Variants in GABARAPL1 observed in about 807,000 individuals in gnomAD.
GABARAPL1 encodes the protein GABA type A receptor associated protein like 1.
In GABARAPL1, 4 loss-of-function variants were observed where a neutral mutation model predicts 14.5. The observed-to-expected ratio is 0.28, with a 90% CI of 0.14 to 0.63. The LOEUF (loss-of-function observed/expected upper bound fraction) is 0.63. GABARAPL1 is among the 30% of genes least tolerant of loss of function. The probability of loss-of-function intolerance (pLI) is 0.84; values close to 1 mark genes in which losing one functional copy is unlikely to be tolerated. For missense variants in GABARAPL1, 82 were observed against 139.2 expected, an observed-to-expected ratio of 0.59 and a Z score of 2.07; for synonymous variants, 47 against 50.6, an observed-to-expected ratio of 0.93 and a Z score of 0.30.
Position 10,213,000 on chromosome 12 carries a change from T to G in GABARAPL1, c.-130T>G. On this transcript the variant is annotated 5_prime_UTR_variant, in exon 1 of 4. Coordinates refer to ENST00000266458, the MANE Select transcript of GABARAPL1 (RefSeq NM_031412.4). ...CCCCCCTGCACACTCGGCCCAGCGC[T>G]GTTGCCCCCGGAGCGGACGTTTCTG... 3.6e-5 allele frequency: 20 copies of G among 563,114 alleles called. No homozygotes were observed. Among genetic ancestry groups the G allele is most frequent in the Non-Finnish European group, 5.1e-5 (15 of 295,724 alleles). The allele number at this position is 563,114 out of a possible 1,614,324, so 34.9% of individuals were successfully genotyped here.
rs1373876118 is a variant in GABARAPL1, at chr12:10,222,769, G to T, written c.*917G>T. 1 of 152,270 alleles carries T rather than the reference G, an allele frequency of 6.6e-6. No individual in the cohort carries two copies. The highest frequency in any genetic ancestry group is 2.4e-5 in the African/African-American group (1 of 41,438). The allele number at this position is 152,270 out of a possible 1,614,324, so 9.4% of individuals were successfully genotyped here. ...GTAATTATATACTACTCTCATTCAG[G>T]ATTCTTGCTCCCATGCTGCTGTCCC... On this transcript the variant is annotated 3_prime_UTR_variant, in exon 4 of 4. Coordinates refer to ENST00000266458, the MANE Select transcript of GABARAPL1 (RefSeq NM_031412.4).
At chr12:10,220,258 C>T (rs190757581) in intron 2 of GABARAPL1, among the ~76,000 whole-genome samples, 182 bp from the exon 3 acceptor site, 55 of 152,190 alleles carry the variant, frequency 3.6e-4, no homozygotes, top group African/African-American at 1.2e-3. Context: ...TGTGGGCTTC[C>T]GAGTTTCCCT....
intron 1 of GABARAPL1, chr12:10,213,744 AT>A (rs1204308089): frequency 2.5e-6 from 1 of 402,008 alleles, no homozygotes; most frequent in Non-Finnish European, 5.0e-6. Flanking sequence ...ATTTTCTTGC[AT>A]TACAGGGGGT....
At chr12:10,216,985 T>C (rs1949094275) in intron 1 of GABARAPL1, among the ~76,000 whole-genome samples, 1 of 152,204 alleles carries the variant, frequency 6.6e-6, no homozygotes, top group African/African-American at 2.4e-5. Context: ...CAACTTGAAC[T>C]ATAGAAGTAT....
intron 2 of GABARAPL1, among the ~76,000 whole-genome samples, chr12:10,218,760 G>A (rs1949104158): frequency 6.6e-6 from 1 of 151,436 alleles, no homozygotes; most frequent in Non-Finnish European, 1.5e-5. Flanking sequence ...CCAGGCTGGA[G>A]TGCAGTGGCA....
At chr12:10,221,438 C>A (rs1013911658) in intron 3 of GABARAPL1, 14 of 938,218 alleles carry the variant, frequency 1.5e-5, no homozygotes, top group Non-Finnish European at 1.8e-5. Flanking sequence ...AATCCTGAAT[C>A]TTTTTTTGCA....
chr12:10,218,876 T>G (rs1195835801), intron 2 of GABARAPL1, among the ~76,000 whole-genome samples: 1 of 151,234 alleles, frequency 6.6e-6, no homozygotes, highest in Admixed American at 6.6e-5. Context: ...ACCCGGCTAC[T>G]TTTTTTGGTA....
Position 10,213,010 on chromosome 12 carries a change from G to C in GABARAPL1, c.-120G>C. ...CACTCGGCCCAGCGCTGTTGCCCCC[G>C]GAGCGGACGTTTCTGCAGCTATTCT... On this transcript the variant is annotated 5_prime_UTR_variant, in exon 1 of 4. Transcript: ENST00000266458. 1.3e-5 allele frequency: 7 copies of C among 547,498 alleles called. No individual in the cohort carries two copies. The highest frequency in any genetic ancestry group is 2.1e-5 in the Non-Finnish European group (6 of 284,902). The allele number at this position is 547,498 out of a possible 1,614,324, so 33.9% of individuals were successfully genotyped here. A position where few individuals can be genotyped will look rare whatever the true frequency, so the allele number is the denominator to read the frequency against.
chr12:10,212,990 G>C lies in GABARAPL1; in HGVS notation c.-140G>C. On this transcript the variant is annotated 5_prime_UTR_variant, in exon 1 of 4. Transcript: ENST00000266458. The stretch of plus-strand genomic sequence containing the variant: ...CGCCCCGAACCCCCCCTGCACACTC[G>C]GCCCAGCGCTGTTGCCCCCGGAGCG... The C allele has an allele frequency of 8.9e-6, 5 of 560,938 alleles. No homozygotes were observed. The highest frequency in any genetic ancestry group is 4.0e-4 in the Middle Eastern group (1 of 2,510). 34.7% of individuals were successfully genotyped at this position (560,938 alleles called of 1,614,324 possible).
chr12:10,222,685 A>C lies in GABARAPL1; in HGVS notation c.*833A>C, dbSNP rs1318734519. 6.6e-6 allele frequency: 1 copy of C among 152,120 alleles called. No homozygotes were observed. The highest frequency in any genetic ancestry group is 2.4e-5 in the African/African-American group (1 of 41,404). 9.4% of individuals were successfully genotyped at this position (152,120 alleles called of 1,614,324 possible). A position where few individuals can be genotyped will look rare whatever the true frequency, so the allele number is the denominator to read the frequency against. The stretch of plus-strand genomic sequence containing the variant: ...AACCACTCTTAGCATCTCCTCTAGT[A>C]TTTTCCATGTATCAGGACAGAGGTG... On this transcript the variant is annotated 3_prime_UTR_variant, in exon 4 of 4. Transcript: ENST00000266458.
intron 1 of GABARAPL1, among the ~76,000 whole-genome samples, chr12:10,217,092 TA>T (rs961503208): frequency 6.6e-6 from 1 of 152,160 alleles, no homozygotes; most frequent in Admixed American, 6.5e-5. Context: ...TTTTAGTGTA[TA>T]AAAAAATCTT....
intron 1 of GABARAPL1, 44 bp from the exon 2 acceptor site, chr12:10,218,019 T>A (rs1248758941): frequency 8.7e-7 from 1 of 1,155,678 alleles, no homozygotes; most frequent in East Asian, 2.3e-5. Context: ...AATACTAGAT[T>A]GCCTTCTGTA....
At chr12:10,218,789 A>G (rs1949104315) in intron 2 of GABARAPL1, among the ~76,000 whole-genome samples, 1 of 150,798 alleles carries the variant, frequency 6.6e-6, no homozygotes, top group Admixed American at 6.6e-5. Flanking sequence ...GCTCACTGCA[A>G]CCTCCGTCTC....
Position 10,213,682 on chromosome 12 carries a change from T to C in GABARAPL1, c.90+463T>C, listed in dbSNP as rs1054521311. 72 of 349,518 alleles carry C rather than the reference T, an allele frequency of 2.1e-4. No individual in the cohort carries two copies. The Admixed American group carries it at 2.5e-3, about 12-fold the overall frequency. The allele number at this position is 349,518 out of a possible 1,614,324, so 21.7% of individuals were successfully genotyped here. A position where few individuals can be genotyped will look rare whatever the true frequency, so the allele number is the denominator to read the frequency against. On this transcript the variant is annotated intron_variant, in intron 1 of 3. Coordinates refer to ENST00000266458, the MANE Select transcript of GABARAPL1 (RefSeq NM_031412.4). ...GGTTCTCCTTTAATGAAGTTGACTT[T>C]GGCTCTCATATCATTGGTCTTGGGA...
chr12:10,221,920 A>G lies in GABARAPL1; in HGVS notation c.*68A>G. 2 of 1,438,592 alleles carry G rather than the reference A, an allele frequency of 1.4e-6. No individual in the cohort carries two copies. Among genetic ancestry groups the G allele is most frequent in the East Asian group, 2.3e-5 (1 of 44,036 alleles). The allele number at this position is 1,438,592 out of a possible 1,614,324, so 89.1% of individuals were successfully genotyped here. A position where few individuals can be genotyped will look rare whatever the true frequency, so the allele number is the denominator to read the frequency against. On this transcript the variant is annotated 3_prime_UTR_variant, in exon 4 of 4. Transcript: ENST00000266458. ...TAGGGGAGGGGTGTGTGTGCGCGAC[A>G]TGGGGAAAGAGGGTGGCTCCCACCG... is the stretch of plus-strand genomic sequence containing the variant.
intron 1 of GABARAPL1, chr12:10,214,196 ATT>A (rs1253930444): frequency 9.1e-6 from 2 of 219,880 alleles, no homozygotes; most frequent in Non-Finnish European, 9.6e-6. Flanking sequence ...AGGTAGGAAC[ATT>A]AGTATTACGT....
intron 2 of GABARAPL1, among the ~76,000 whole-genome samples, chr12:10,219,062 T>A (rs926068880): frequency 3.3e-5 from 5 of 150,236 alleles, no homozygotes; most frequent in African/African-American, 1.2e-4. Context: ...CTCACGCCTG[T>A]AATCCCAGCA....
intron 2 of GABARAPL1, among the ~76,000 whole-genome samples, chr12:10,219,615 C>T (rs960074701): frequency 6.6e-6 from 1 of 152,060 alleles, no homozygotes; most frequent in Admixed American, 6.6e-5. Context: ...GCCTGGCCAA[C>T]GTGGTGAAAC....
Position 10,221,789 on chromosome 12 carries a change from C to G in GABARAPL1, c.291C>G (p.Asp97Glu). The change falls in exon 4 of 4, where the codon GAC (aspartate) becomes GAG (glutamate). Residue 97 changes from aspartate (D) to glutamate (E), a missense_variant and splice_region_variant. This residue lies in a region of GABARAPL1 where 65 missense variants were observed against 103.7 expected (regional missense o/e 0.63). Transcript: ENST00000266458. ...TSATMGQLYE[D>E]NHEEDYFLYV... ...TGTTGTCTTATCTCTTCCCCTAGGACAATCATGAGGAAGACTATTTTCTGT... is the reference window on the plus strand; with the variant it reads ...TGTTGTCTTATCTCTTCCCCTAGGAGAATCATGAGGAAGACTATTTTCTGT... 6.2e-7 allele frequency: 1 copy of G among 1,613,860 alleles called. No individual in the cohort carries two copies.
Sources: gnomAD v4.1 joint callset for allele counts (sites outside exome capture counted in the v4.1 genomes callset) on GRCh38, gnomAD v4.1.1 for gene constraint, gnomAD v4.1.1 regional missense constraint, MANE v1.5 for transcripts, NCBI Gene and HGNC (gene_info 2026-07-23, HGNC 2026-07-21) for gene names.